ATP10B: variants seen among roughly 807,000 people sequenced by gnomAD.
The protein encoded by ATP10B is ATPase phospholipid transporting 10B (putative), also known as phospholipid-transporting ATPase VB.
A neutral mutation model predicts 141.2 loss-of-function variants in ATP10B; 122 were observed. The ratio of observed to expected loss-of-function variants is 0.86; its 90% CI spans 0.75 to 1.00. The LOEUF (loss-of-function observed/expected upper bound fraction) is 1.00, where lower values mean the gene tolerates loss of function less well. Among genes scored for constraint, ATP10B ranks in the 50% least tolerant of loss-of-function variants. The probability of loss-of-function intolerance (pLI) is 0.00; values close to 1 mark genes in which losing one functional copy is unlikely to be tolerated. For synonymous variants in ATP10B, 685 were observed against 692.0 expected (o/e 0.99, Z 0.16); for missense variants, 1,876 against 1,825.3 (o/e 1.03, Z -0.51).
intron 1 of ATP10B, among the ~76,000 whole-genome samples, chr5:160,848,065 A>G (rs1052632553): frequency 6.6e-6 from 1 of 152,216 alleles, no homozygotes; most frequent in African/African-American, 2.4e-5. Context: ...TCATACTTAT[A>G]TGCAGAATTT....
At chr5:160,924,598 A>G in the ATP10B span, among the ~76,000 whole-genome samples, 1 of 152,218 alleles carries the variant, frequency 6.6e-6, no homozygotes, top group Non-Finnish European at 1.5e-5. Flanking sequence ...ATTGCAGCAG[A>G]AGCCAGGGCC....
At position 160,615,960 on chromosome 5, in the gene ATP10B, A is replaced by G. The variant is rs938017404; in HGVS notation, c.2531T>C (p.Val844Ala). ...CCATCTCCGGAAGTCCTCTTCGCTTACAACCTATGGGATGGGAAAAGGCTC... is the reference window on the plus strand; with the variant it reads ...CCATCTCCGGAAGTCCTCTTCGCTTGCAACCTATGGGATGGGAAAAGGCTC... ...LRTLCIAKKV[V>A]SEEDFRRWAS... The change falls in exon 17 of 26, where the codon GTA becomes GCA. Residue 844 changes from valine to alanine, a missense_variant. Physicochemically the swap from Val to Ala is moderately conservative, Grantham distance 64. Coordinates refer to ENST00000327245, the MANE Select transcript of ATP10B (RefSeq NM_025153.3). The G allele has an allele frequency of 1.9e-6, 3 of 1,613,200 alleles. No individual in the cohort carries two copies. The highest frequency in any genetic ancestry group is 2.5e-6 in the Non-Finnish European group (3 of 1,179,396).
intron 6 of ATP10B, among the ~76,000 whole-genome samples, chr5:160,681,976 T>C (rs781587646): frequency 1.3e-5 from 2 of 152,220 alleles, no homozygotes; most frequent in African/African-American, 2.4e-5. Context: ...CACTTTGCCA[T>C]AGTCACCACC....
chr5:160,629,384 A>G (rs1469047644), intron 13 of ATP10B, among the ~76,000 whole-genome samples: 1 of 152,214 alleles, frequency 6.6e-6, no homozygotes, highest in Non-Finnish European at 1.5e-5. Context: ...AGCTGTAGAA[A>G]GTGCCAATTT....
At chr5:160,805,921 G>A (rs1014937503) in intron 1 of ATP10B, among the ~76,000 whole-genome samples, 2 of 152,192 alleles carry the variant, frequency 1.3e-5, no homozygotes, top group Non-Finnish European at 2.9e-5. Flanking sequence ...GCAAGCTGGA[G>A]ATGGGGGAAA....
At chr5:160,676,913 G>A (rs1404527501) in intron 6 of ATP10B, among the ~76,000 whole-genome samples, 1 of 152,166 alleles carries the variant, frequency 6.6e-6, no homozygotes, top group Non-Finnish European at 1.5e-5. Flanking sequence ...GGTCACACAG[G>A]TGTGTCTACA....
At chr5:160,926,049 GT>G in the ATP10B span, among the ~76,000 whole-genome samples, 1 of 152,206 alleles carries the variant, frequency 6.6e-6, no homozygotes, top group African/African-American at 2.4e-5. Flanking sequence ...GAATCAACCA[GT>G]TTGCATTCTA....
At chr5:160,695,839 A>G (rs932359711) in intron 3 of ATP10B, among the ~76,000 whole-genome samples, 5 of 152,166 alleles carry the variant, frequency 3.3e-5, no homozygotes, top group African/African-American at 1.2e-4. Flanking sequence ...AGTTAACTAC[A>G]GGCGTTTTTA....
chr5:160,640,684 A>G, intron 9 of ATP10B, 92 bp from the exon 10 acceptor site: 1 of 1,498,612 alleles, frequency 6.7e-7, no homozygotes, highest in East Asian at 2.3e-5. Context: ...AGCTTAAGAT[A>G]AAAGAGAGGC....
intron 2 of ATP10B, among the ~76,000 whole-genome samples, chr5:160,776,819 CTCTG>C (rs1364398104): frequency 6.6e-6 from 1 of 152,212 alleles, no homozygotes; most frequent in Non-Finnish European, 1.5e-5. Context: ...GCTGAGATTT[CTCTG>C]TGTGTTTTTG....
the ATP10B span, among the ~76,000 whole-genome samples, chr5:160,886,443 AG>A: frequency 1.3e-5 from 2 of 152,168 alleles, no homozygotes; most frequent in Non-Finnish European, 2.9e-5. Context: ...GATAGCTTAG[AG>A]GGGCTATGTG....
chr5:160,623,165 AC>A (rs1441635637), intron 13 of ATP10B, among the ~76,000 whole-genome samples: 5 of 152,104 alleles, frequency 3.3e-5, no homozygotes, highest in African/African-American at 1.2e-4. Context: ...TCCTCTGATC[AC>A]ACTTTGCTTG....
chr5:160,632,090 C>A lies in ATP10B; in HGVS notation c.1620+39G>T, dbSNP rs571061620. The A allele has an allele frequency of 6.4e-6, 10 of 1,560,064 alleles. No individual in the cohort carries two copies. The African/African-American group carries it at 6.8e-5, about 11-fold the overall frequency. ...CCAGAGCACCCTCCCTCTCTTCCCA[C>A]AGAACACTTACAGTTCAAAGGCAAA... On this transcript the variant is annotated intron_variant, in intron 13 of 25. Transcript: ENST00000327245.
At chr5:160,800,635 AG>A (rs1001130271) in intron 1 of ATP10B, among the ~76,000 whole-genome samples, 2 of 152,222 alleles carry the variant, frequency 1.3e-5, no homozygotes, top group Non-Finnish European at 1.5e-5. Context: ...TATTCTTGCC[AG>A]GGGAGAATCT....
intron 7 of ATP10B, among the ~76,000 whole-genome samples, chr5:160,662,887 A>G (rs1335379413): frequency 3.3e-5 from 5 of 152,230 alleles, no homozygotes; most frequent in African/African-American, 9.6e-5. Flanking sequence ...AAATTTTTGC[A>G]ATCTACCCAT....
chr5:160,782,335 G>C (rs1388978090), intron 2 of ATP10B, among the ~76,000 whole-genome samples: 1 of 152,062 alleles, frequency 6.6e-6, no homozygotes. Flanking sequence ...ACGGTTGTCT[G>C]CAATAACAGC....
At chr5:160,639,088 T>G (rs1759634846) in intron 10 of ATP10B, 1 of 152,354 alleles carries the variant, frequency 6.6e-6, no homozygotes, top group South Asian at 2.1e-4. Flanking sequence ...CCTCTGTGCT[T>G]TGTGATTTTC....
intron 2 of ATP10B, among the ~76,000 whole-genome samples, chr5:160,776,960 A>G (rs1175910301): frequency 6.6e-6 from 1 of 152,158 alleles, no homozygotes; most frequent in Non-Finnish European, 1.5e-5. Context: ...GAGTAGGTTG[A>G]CACTTTTGGG....
Position 160,632,158 on chromosome 5 carries a change from G to A in ATP10B, c.1591C>T (p.Gln531Ter), listed in dbSNP as rs1007527169. The change falls in exon 13 of 26, where the codon CAG becomes TAG. Residue 531 changes from glutamine (Q) to a stop codon, truncating the protein, a stop_gained. Coordinates refer to ENST00000327245, the MANE Select transcript of ATP10B (RefSeq NM_025153.3). LOFTEE classifies it high-confidence loss of function. The stretch of plus-strand genomic sequence containing the variant: ...GAGCTGCTGAAGGCCACAGGAGGCT[G>A]TGAGCTTTCACGGTGCCCCATAGAC... ...QRSMGHRESS[Q>*]PPVAFSSSIE... is the part of the protein sequence containing the mutation. The A allele has an allele frequency of 6.2e-7, 1 of 1,613,956 alleles. No individual in the cohort carries two copies. The highest frequency in any genetic ancestry group is 1.3e-5 in the African/African-American group (1 of 74,944).
Sources: gnomAD v4.1 joint callset for allele counts (sites outside exome capture counted in the v4.1 genomes callset) on GRCh38, gnomAD v4.1.1 for gene constraint, MANE v1.5 for transcripts, NCBI Gene and HGNC (gene_info 2026-07-23, HGNC 2026-07-21) for gene names.